The following ANO8 variants were observed in gnomAD, a reference collection of about 807,000 sequenced individuals.
The protein encoded by ANO8 is anoctamin 8, also known as anoctamin-8.
In ANO8, 67 loss-of-function variants were observed where a neutral mutation model predicts 120.4. The ratio of observed to expected loss-of-function variants is 0.56; its 90% confidence interval spans 0.46 to 0.68. The LOEUF is 0.68. ANO8 is among the 30% of genes least tolerant of loss of function. The probability of loss-of-function intolerance (pLI) is 0.00; values close to 1 mark genes in which losing one functional copy is unlikely to be tolerated. For missense variants in ANO8, 1,526 were observed against 1,737.6 expected (o/e 0.88, Z 2.16); for synonymous variants, 727 against 759.2 (o/e 0.96, Z 0.70).
In ANO8 at chr19:17,323,327, G is replaced by GTT. The variant is rs1481651045; in HGVS notation, c.*189_*190insAA. 2.6e-6 allele frequency: 1 copy of GTT among 379,666 alleles called. No individual in the cohort carries two copies. The highest frequency in any genetic ancestry group is 2.1e-5 in the African/African-American group (1 of 47,638). 23.5% of individuals were successfully genotyped at this position (379,666 alleles called of 1,614,324 possible). A position where few individuals can be genotyped will look rare whatever the true frequency, so the allele number is the denominator to read the frequency against. On this transcript the variant is annotated 3_prime_UTR_variant, in exon 18 of 18. Coordinates refer to ENST00000159087, the MANE Select transcript of ANO8 (RefSeq NM_020959.3). ...TCGCCTGTTCTGTGTGTGTGTGTGT[G>GTT]TGTGTGTGTGTGTGTGTTTTCTGTT...
chr19:17,330,967 A>T lies in ANO8; in HGVS notation c.854T>A (p.Val285Glu). Residue 285 changes from valine (V) to glutamate (E), a missense_variant, in exon 8 of 18, where the codon GTG becomes GAG. Val to Glu is a moderately radical substitution (Grantham distance 121). Around this residue, in one of 8 missense-constraint regions of ANO8, gnomAD observed 322 missense variants for 431.8 expected, o/e 0.75. Coordinates refer to ENST00000159087, the MANE Select transcript of ANO8 (RefSeq NM_020959.3). ...ADQTSRDVSC[V>E]VFALFNVIWS... Reference sequence around the variant, plus strand: ...GATCACGTTGAAGAGGGCAAAGACCACGCAGGAAACATCCCGGCTTGTCTG... The same window carrying T: ...GATCACGTTGAAGAGGGCAAAGACCTCGCAGGAAACATCCCGGCTTGTCTG... 1.2e-6 allele frequency: 2 copies of T among 1,614,184 alleles called. No homozygotes were observed. Among genetic ancestry groups the T allele is most frequent in the Non-Finnish European group, 1.7e-6 (2 of 1,180,040 alleles).
chr19:17,333,697 G>A lies in ANO8; in HGVS notation c.210C>T (p.Thr70=). The A allele has an allele frequency of 6.3e-7, 1 of 1,596,732 alleles. No homozygotes were observed. The highest frequency in any genetic ancestry group is 8.5e-7 in the Non-Finnish European group (1 of 1,173,198). ...VPTENCDVLM[T]FPDTTDDHTL... ...GCGGGCGGGCTTGGGTACCTGGGAA[G>A]GTCATCAGCACGTCGCAGTTCTCTG... is the stretch of plus-strand genomic sequence containing the variant. The change falls in exon 2 of 18, where the codon ACC becomes ACT. Residue 70 remains threonine (T), a synonymous_variant. Coordinates refer to ENST00000159087, the MANE Select transcript of ANO8 (RefSeq NM_020959.3). This position sits in a 1 kb window ranked among gnomAD's most constrained non-coding sequence, Gnocchi z 7.2.
In ANO8 at chr19:17,333,673, C is replaced by T; in HGVS notation, c.217+17G>A. 8.0e-6 allele frequency: 9 copies of T among 1,118,242 alleles called. No individual in the cohort carries two copies. The highest frequency in any genetic ancestry group is 9.7e-6 in the Non-Finnish European group (9 of 925,408). 69.3% of individuals were successfully genotyped at this position (1,118,242 alleles called of 1,614,324 possible). A position where few individuals can be genotyped will look rare whatever the true frequency, so the allele number is the denominator to read the frequency against. On this transcript the variant is annotated intron_variant, in intron 2 of 17. Coordinates refer to ENST00000159087, the MANE Select transcript of ANO8 (RefSeq NM_020959.3). This position sits in a 1 kb window ranked among gnomAD's most constrained non-coding sequence, Gnocchi z 7.2. ...CGCATCTGGGCACTGGGCGGGCGGG[C>T]GGGCGGGCTTGGGTACCTGGGAAGG...
At chr19:17,326,751 G>T (rs965945191) in intron 16 of ANO8, among the ~76,000 whole-genome samples, 2 of 152,134 alleles carry the variant, frequency 1.3e-5, no homozygotes, top group African/African-American at 4.8e-5. Flanking sequence ...CCATTCTGTA[G>T]CTTTCTGAGG....
In ANO8 at chr19:17,334,788, C is replaced by G; in HGVS notation, c.-118G>C. On this transcript the variant is annotated 5_prime_UTR_variant, in exon 1 of 18. Coordinates refer to ENST00000159087, the MANE Select transcript of ANO8 (RefSeq NM_020959.3). Reference sequence around the variant, plus strand: ...GGAGGAGACAAAGGCCGCGCCCGCCCGCGCCGGCCTCGGTCCTCGCTCGCC... The same window carrying G: ...GGAGGAGACAAAGGCCGCGCCCGCCGGCGCCGGCCTCGGTCCTCGCTCGCC... 8.6e-7 allele frequency: 1 copy of G among 1,162,690 alleles called. No individual in the cohort carries two copies. Among genetic ancestry groups the G allele is most frequent in the African/African-American group, 1.6e-5 (1 of 61,486 alleles). The allele number at this position is 1,162,690 out of a possible 1,614,324, so 72.0% of individuals were successfully genotyped here. A position where few individuals can be genotyped will look rare whatever the true frequency, so the allele number is the denominator to read the frequency against.
Position 17,327,876 on chromosome 19 carries a change from G to T in ANO8, c.2231C>A (p.Thr744Lys), listed in dbSNP as rs761988486. 1 of 1,613,076 alleles carries T rather than the reference G, an allele frequency of 6.2e-7. No homozygotes were observed. Among genetic ancestry groups the T allele is most frequent in the Non-Finnish European group, 8.5e-7 (1 of 1,179,278 alleles). ...LESCMKKYED[T>K]FQDYQEMFVQ... is the part of the protein sequence containing the mutation. The stretch of plus-strand genomic sequence containing the variant: ...GAACATCTCCTGGTAGTCCTGGAAC[G>T]TGTCCTGCGAGTGGGCGGGCCTCAG... The change falls in exon 14 of 18, where the codon ACG (threonine) becomes AAG (lysine). Residue 744 changes from threonine (T) to lysine (K), a missense_variant. By Grantham distance (78) the Thr-to-Lys change is moderately conservative (BLOSUM62 -1). Around this residue, in one of 8 missense-constraint regions of ANO8, gnomAD observed 467 missense variants for 425.8 expected, o/e 1.10. Transcript: ENST00000159087.
rs2145683415 is a variant in ANO8 at position 17,324,958 on chromosome 19, G to A, written c.3090C>T (p.Leu1030=). Residue 1030 remains leucine, a synonymous_variant, in exon 17 of 18, where the codon CTC becomes CTT. Transcript: ENST00000159087. The part of the protein sequence containing the change: ...RLPAFLSFKF[L]KSPETRRDSE... The stretch of plus-strand genomic sequence containing the variant: ...AGTCCCGCCGGGTCTCGGGTGACTT[G>A]AGGAACTTGAAGCTGAGGAAGGCAG... 6.2e-7 allele frequency: 1 copy of A among 1,613,242 alleles called. No individual in the cohort carries two copies. Among genetic ancestry groups the A allele is most frequent in the Non-Finnish European group, 8.5e-7 (1 of 1,179,934 alleles).
Position 17,333,661 on chromosome 19 carries a change from T to G in ANO8, c.217+29A>C, listed in dbSNP as rs2145692782. On this transcript the variant is annotated intron_variant, in intron 2 of 17. Coordinates refer to ENST00000159087, the MANE Select transcript of ANO8 (RefSeq NM_020959.3). The surrounding 1 kb of genome is among the most constrained non-coding windows in gnomAD (Gnocchi z 7.2). The stretch of plus-strand genomic sequence containing the variant: ...GCTCAGGAGAGCCGCATCTGGGCAC[T>G]GGGCGGGCGGGCGGGCGGGCTTGGG... 1 of 207,034 alleles carries G rather than the reference T, an allele frequency of 4.8e-6. No homozygotes were observed. The highest frequency in any genetic ancestry group is 4.9e-4 in the East Asian group (1 of 2,058). The allele number at this position is 207,034 out of a possible 1,614,324, so 12.8% of individuals were successfully genotyped here.
At position 17,326,454 on chromosome 19, in the gene ANO8, CCA is replaced by C. The variant is rs139982700; in HGVS notation, c.2661+779_2661+780del. On this transcript the variant is annotated intron_variant, in intron 16 of 17. Coordinates refer to ENST00000159087, the MANE Select transcript of ANO8 (RefSeq NM_020959.3). Reference sequence around the variant, plus strand: ...GAGATTGCGGTGAGCCGAGATTGTGCCACTGCACTCCATGCACTCCAGCCTGG... The same window carrying C: ...GAGATTGCGGTGAGCCGAGATTGTGCCTGCACTCCATGCACTCCAGCCTGG... 5.9e-3 allele frequency among the ~76,000 whole-genome samples: 899 copies of C among 152,042 alleles called. 13 individuals are homozygous for C. Among genetic ancestry groups the C allele is most frequent in the African/African-American group, 0.02 (846 of 41,440 alleles).
At position 17,324,929 on chromosome 19, in the gene ANO8, T is replaced by C. The variant is rs757871979; in HGVS notation, c.3119A>G (p.Glu1040Gly). Residue 1040 changes from glutamate (E) to glycine (G), a missense_variant, in exon 17 of 18, where the codon GAG (glutamate) becomes GGG (glycine). By Grantham distance (98) the Glu-to-Gly change is moderately conservative. Around this residue, in one of 8 missense-constraint regions of ANO8, gnomAD observed 489 missense variants for 548.6 expected, o/e 0.89. Coordinates refer to ENST00000159087, the MANE Select transcript of ANO8 (RefSeq NM_020959.3). Reference sequence around the variant, plus strand: ...GGCTTTGGGCGGTGAGTGGCTGCGCTCAGAGTCCCGCCGGGTCTCGGGTGA... The same window carrying C: ...GGCTTTGGGCGGTGAGTGGCTGCGCCCAGAGTCCCGCCGGGTCTCGGGTGA... ...LKSPETRRDS[E>G]RSHSPPKAFH... 1 of 1,613,268 alleles carries C rather than the reference T, an allele frequency of 6.2e-7. No individual in the cohort carries two copies. The highest frequency in any genetic ancestry group is 8.5e-7 in the Non-Finnish European group (1 of 1,179,872).
chr19:17,329,079 C>A, intron 12 of ANO8, 96 bp from the exon 13 acceptor site: 3 of 988,568 alleles, frequency 3.0e-6, no homozygotes, highest in South Asian at 1.9e-5. Flanking sequence ...GCCGGAGCAC[C>A]GTGCCCAGAC....
Position 17,328,885 on chromosome 19 carries a change from GC to G in ANO8, c.1502del (p.Gly501AlafsTer16). On this transcript the variant is annotated frameshift_variant, in exon 13 of 18. Transcript: ENST00000159087. LOFTEE classifies it high-confidence loss of function. ...LYRRLGRGELGLRAVWELARA... is the reference protein window; with the variant it reads ...LYRRLGRGELXLRAVWELARA... Reference sequence around the variant, plus strand: ...GGGCCAGCTCCCAGACGGCCCGCAGGCCCAGCTCGCCGCGGCCCAGGCGCCG... The same window carrying G: ...GGGCCAGCTCCCAGACGGCCCGCAGGCCAGCTCGCCGCGGCCCAGGCGCCG... 1 of 1,503,002 alleles carries G rather than the reference GC, an allele frequency of 6.7e-7. No homozygotes were observed. The allele number at this position is 1,503,002 out of a possible 1,614,324, so 93.1% of individuals were successfully genotyped here. A position where few individuals can be genotyped will look rare whatever the true frequency, so the allele number is the denominator to read the frequency against.
intron 12 of ANO8, chr19:17,329,474 G>T (rs767511768): frequency 4.0e-6 from 2 of 495,900 alleles, no homozygotes; most frequent in Non-Finnish European, 7.3e-6. Flanking sequence ...CCGCAGGGCC[G>T]CGAGCGGGAC....
Position 17,324,794 on chromosome 19 carries a change from C to T in ANO8, c.3254G>A (p.Arg1085Gln), listed in dbSNP as rs766859414. The T allele has an allele frequency of 6.3e-6, 10 of 1,592,608 alleles. No individual in the cohort carries two copies. Among genetic ancestry groups the T allele is most frequent in the Middle Eastern group, 1.7e-4 (1 of 5,954 alleles). Reference sequence around the variant, plus strand: ...GTCCACCGGCCCACTCCTCTGAACCCGGCTGCTGCCACTGCTGGGGGTCCC... The same window carrying T: ...GTCCACCGGCCCACTCCTCTGAACCTGGCTGCTGCCACTGCTGGGGGTCCC... ...PDGTPSSGSS[R>Q]VQRSGPVDEA... Residue 1085 changes from arginine (R) to glutamine (Q), a missense_variant, in exon 17 of 18, where the codon CGG (arginine) becomes CAG (glutamine). Physicochemically the swap from Arg to Gln is conservative, Grantham distance 43. This residue lies in a region of ANO8 where 489 missense variants were observed against 548.6 expected (regional missense o/e 0.89). Coordinates refer to ENST00000159087, the MANE Select transcript of ANO8 (RefSeq NM_020959.3).
chr19:17,327,911 C>A, intron 13 of ANO8, 31 bp from the exon 14 acceptor site: 1 of 1,602,166 alleles, frequency 6.2e-7, no homozygotes, highest in South Asian at 1.1e-5. Context: ...GACCTGGAAG[C>A]CTCTTCCCTG....
rs777635226 is a variant in ANO8 at position 17,330,004 on chromosome 19, C to A, written c.1284G>T (p.Arg428=). The A allele has an allele frequency of 1.2e-6, 2 of 1,613,940 alleles. No homozygotes were observed. Among genetic ancestry groups the A allele is most frequent in the Admixed American group, 1.7e-5 (1 of 59,994 alleles). Residue 428 remains arginine (R), a synonymous_variant, in exon 11 of 18, where the codon CGG becomes CGT. Coordinates refer to ENST00000159087, the MANE Select transcript of ANO8 (RefSeq NM_020959.3). The part of the protein sequence containing the change: ...AIWLNDMENY[R]LESAYEKHLI... ...GGTGCTTCTCATAGGCGCTCTCCAG[C>A]CGGTAATTTTCTAGGGGCCAAGGGG...
At position 17,328,749 on chromosome 19, in the gene ANO8, T is replaced by G; in HGVS notation, c.1639A>C (p.Ser547Arg). Residue 547 changes from serine (S) to arginine (R), a missense_variant, in exon 13 of 18, where the codon AGC becomes CGC. Ser to Arg is a moderately radical substitution (Grantham distance 110). This residue lies in a region of ANO8 where 467 missense variants were observed against 425.8 expected (regional missense o/e 1.10). Coordinates refer to ENST00000159087, the MANE Select transcript of ANO8 (RefSeq NM_020959.3). ...GSGGGGRRCL[S>R]GGCGAPEEEE... ...TCCTCCGGCGCCCCGCAGCCCCCGC[T>G]GAGGCACCTGCGGCCCCCGCCCCCG... 1 of 1,330,734 alleles carries G rather than the reference T, an allele frequency of 7.5e-7. No individual in the cohort carries two copies. The highest frequency in any genetic ancestry group is 9.6e-7 in the Non-Finnish European group (1 of 1,045,386). The allele number at this position is 1,330,734 out of a possible 1,614,324, so 82.4% of individuals were successfully genotyped here.
chr19:17,332,261 G>T (rs1024764495), intron 5 of ANO8, among the ~76,000 whole-genome samples: 4 of 150,834 alleles, frequency 2.7e-5, no homozygotes, highest in African/African-American at 2.4e-5. Flanking sequence ...TTATTTATTT[G>T]TTTGAGACAG....
Position 17,328,167 on chromosome 19 carries a change from A to T in ANO8, c.2221T>A (p.Tyr741Asn). ...QAELESCMKK[Y>N]EDTFQDYQEM... ...AGGCCCCGCCCCCTCCTCACCTCGT[A>T]CTTCTTCATACAGCTCTCCAGCTCT... Residue 741 changes from tyrosine (Y) to asparagine (N), a missense_variant, in exon 13 of 18, where the codon TAC (tyrosine) becomes AAC (asparagine). This residue lies in a region of ANO8 where 467 missense variants were observed against 425.8 expected (regional missense o/e 1.10). Transcript: ENST00000159087. 2.8e-6 allele frequency: 4 copies of T among 1,407,580 alleles called. No individual in the cohort carries two copies. The highest frequency in any genetic ancestry group is 3.9e-6 in the Non-Finnish European group (4 of 1,022,618). 87.2% of individuals were successfully genotyped at this position (1,407,580 alleles called of 1,614,324 possible).
Sources: allele counts gnomAD v4.1 joint callset (sites outside exome capture counted in the v4.1 genomes callset), GRCh38; gene constraint gnomAD v4.1.1; regional missense constraint gnomAD v4.1.1; non-coding constraint Gnocchi (gnomAD v3.1); transcripts MANE v1.5; gene names NCBI Gene and HGNC (gene_info 2026-07-23, HGNC 2026-07-21).